Variants in TRMT9B observed in about 807,000 individuals in gnomAD.
The protein encoded by TRMT9B is probable tRNA methyltransferase 9B.
TRMT9B carries 16 observed loss-of-function variants against 11.5 expected under a neutral mutation model. That is an observed-to-expected ratio of 1.39 (90% confidence interval 0.94 to 2.11). The LOEUF (loss-of-function observed/expected upper bound fraction) is 2.11, where lower values mean the gene tolerates loss of function less well. Ranked by LOEUF, TRMT9B falls within the 30% of genes most tolerant of loss-of-function variation. The probability of loss-of-function intolerance (pLI) is 0.00; values close to 1 mark genes in which losing one functional copy is unlikely to be tolerated. For synonymous variants in TRMT9B, 274 were observed against 192.4 expected, an observed-to-expected ratio of 1.42 and a Z score of -3.51; for missense variants, 941 against 553.8, an observed-to-expected ratio of 1.70 and a Z score of -7.02.
At chr8:13,012,018 A>C (rs1475349999) in intron 3 of TRMT9B, 1 of 985,424 alleles carries the variant, frequency 1.0e-6, no homozygotes, top group Non-Finnish European at 1.2e-6. Flanking sequence ...ACAAAATGAA[A>C]TATGAATGTG....
chr8:12,987,607 A>T (rs796247205), intron 1 of TRMT9B, among the ~76,000 whole-genome samples: 1 of 151,978 alleles, frequency 6.6e-6, no homozygotes, highest in Admixed American at 6.6e-5. Context: ...CAGGAGGATC[A>T]TTTGCACCTG....
intron 1 of TRMT9B, chr8:12,958,310 C>T (rs1287603074): frequency 5.9e-5 from 9 of 152,284 alleles, no homozygotes; most frequent in African/African-American, 1.9e-4. Context: ...ACGGATATCT[C>T]TTAGAGTCCC....
At chr8:12,973,277 T>A (rs1323756321) in intron 1 of TRMT9B, among the ~76,000 whole-genome samples, 1 of 152,172 alleles carries the variant, frequency 6.6e-6, no homozygotes, top group Admixed American at 6.5e-5. Flanking sequence ...TTTGGCATGC[T>A]CTGGGTGCCC....
chr8:13,023,667 T>C lies in TRMT9B; in HGVS notation c.*1623T>C, dbSNP rs1292473090. 1 of 167,102 alleles carries C rather than the reference T, an allele frequency of 6.0e-6. No individual in the cohort carries two copies. The highest frequency in any genetic ancestry group is 1.5e-5 in the Non-Finnish European group (1 of 68,116). 10.4% of individuals were successfully genotyped at this position (167,102 alleles called of 1,614,324 possible). On this transcript the variant is annotated 3_prime_UTR_variant, in exon 5 of 5. Coordinates refer to ENST00000524591, the MANE Select transcript of TRMT9B (RefSeq NM_020844.3). ...AGAAAATTGACATCTGACAAGAGTC[T>C]TTTTACTTTATGCTGGATGAAAATC...
Position 12,964,262 on chromosome 8 carries a change from T to C in TRMT9B, c.-200+18296T>C, listed in dbSNP as rs143692634. On this transcript the variant is annotated intron_variant, in intron 1 of 4. Transcript: ENST00000524591. ...TTCAACATCATTGACATGGGGTACA[T>C]CCTACAGTTGATAACACATCCTCAT... Among the ~76,000 whole-genome samples the C allele has an allele frequency of 3.0e-4, 46 of 152,346 alleles. No homozygotes were observed. In the East Asian group the frequency reaches 7.1e-3, roughly 24 times the overall value.
intron 1 of TRMT9B, among the ~76,000 whole-genome samples, chr8:12,947,379 A>G (rs116115909): frequency 0.022 from 3,379 of 152,332 alleles, 121 homozygotes; most frequent in African/African-American, 0.075. Context: ...AACCACTAAA[A>G]AAATATGGGA....
At chr8:12,946,008 T>G (rs1335387482) in intron 1 of TRMT9B, 42 bp downstream of exon 1, 4 of 152,178 alleles carry the variant, frequency 2.6e-5, no homozygotes, top group Admixed American at 6.5e-5. Context: ...AGTTGTGATA[T>G]TTGTGATTAG....
intron 1 of TRMT9B, among the ~76,000 whole-genome samples, chr8:12,968,715 G>A (rs7826116): frequency 0.071 from 10,825 of 152,176 alleles, 533 homozygotes; most frequent in African/African-American, 0.14. Flanking sequence ...TCCCTGAGTC[G>A]CGAGAGTGCA....
rs946991824 is a variant in TRMT9B at position 13,026,910 on chromosome 8, A to G, written c.*4866A>G. 6.0e-6 allele frequency: 1 copy of G among 167,100 alleles called. No homozygotes were observed. The highest frequency in any genetic ancestry group is 1.5e-5 in the Non-Finnish European group (1 of 68,122). The allele number at this position is 167,100 out of a possible 1,614,324, so 10.4% of individuals were successfully genotyped here. On this transcript the variant is annotated 3_prime_UTR_variant, in exon 5 of 5. Coordinates refer to ENST00000524591, the MANE Select transcript of TRMT9B (RefSeq NM_020844.3). Reference sequence around the variant, plus strand: ...AAGTTTAAGCAAAGATTACACAGCTAGACAATAATTCAATAGTAGTCTCTT... The same window carrying G: ...AAGTTTAAGCAAAGATTACACAGCTGGACAATAATTCAATAGTAGTCTCTT...
At chr8:12,999,367 G>T (rs1023986459) in intron 2 of TRMT9B, among the ~76,000 whole-genome samples, 2 of 151,718 alleles carry the variant, frequency 1.3e-5, no homozygotes, top group East Asian at 1.9e-4. Context: ...GATGGGAGGG[G>T]TGATTTATTG....
intron 4 of TRMT9B, among the ~76,000 whole-genome samples, chr8:13,015,895 C>G (rs1812558335): frequency 6.6e-6 from 1 of 152,026 alleles, no homozygotes; most frequent in African/African-American, 2.4e-5. Context: ...TTTTTATGAT[C>G]TGTAACTACG....
intron 1 of TRMT9B, among the ~76,000 whole-genome samples, chr8:12,959,160 C>T (rs1157945395): frequency 6.6e-6 from 1 of 152,082 alleles, no homozygotes; most frequent in African/African-American, 2.4e-5. Flanking sequence ...CATGAACTTC[C>T]TGGGTGAAAG....
intron 1 of TRMT9B, among the ~76,000 whole-genome samples, chr8:12,969,548 T>C (rs1364128807): frequency 6.6e-6 from 1 of 152,246 alleles, no homozygotes; most frequent in African/African-American, 2.4e-5. Context: ...TCTAGATTAC[T>C]TGCAATAACC....
At chr8:12,989,184 A>G (rs1165099529) in intron 1 of TRMT9B, among the ~76,000 whole-genome samples, 2 of 152,188 alleles carry the variant, frequency 1.3e-5, no homozygotes, top group African/African-American at 2.4e-5. Context: ...GGTTTAAGGT[A>G]CAGACCTTGC....
At chr8:12,953,715 A>G (rs1800939781) in intron 1 of TRMT9B, among the ~76,000 whole-genome samples, 1 of 152,200 alleles carries the variant, frequency 6.6e-6, no homozygotes, top group Admixed American at 6.5e-5. Flanking sequence ...AGGGTAAAGA[A>G]CTGTCCAGTG....
intron 1 of TRMT9B, among the ~76,000 whole-genome samples, chr8:12,968,806 A>G (rs910349042): frequency 1.3e-5 from 2 of 152,084 alleles, no homozygotes; most frequent in African/African-American, 2.4e-5. Flanking sequence ...GTAGAGAGCC[A>G]TGCTGTTCAT....
At position 13,021,199 on chromosome 8, in the gene TRMT9B, C is replaced by T; in HGVS notation, c.520C>T (p.Gln174Ter). 6.2e-7 allele frequency: 1 copy of T among 1,613,742 alleles called. No homozygotes were observed. The change falls in exon 5 of 5, where the codon CAG becomes TAG. Residue 174 changes from glutamine (Q) to a stop codon, truncating the protein, a stop_gained. Coordinates refer to ENST00000524591, the MANE Select transcript of TRMT9B (RefSeq NM_020844.3). LOFTEE classifies it low-confidence loss of function (END_TRUNC). ...LCSQLFSESS[Q>*]SGRKRQCGYP... ...TTCCCAGCTCTTCTCAGAGTCCAGC[C>T]AGTCTGGGAGGAAGAGGCAGTGTGG...
intron 3 of TRMT9B, 56 bp downstream of exon 3, chr8:13,006,412 T>C (rs555636431): frequency 4.7e-6 from 7 of 1,497,732 alleles, no homozygotes; most frequent in Non-Finnish European, 6.2e-6. Flanking sequence ...ATCGCTGACA[T>C]AGGTAACCAG....
intron 2 of TRMT9B, among the ~76,000 whole-genome samples, chr8:12,995,756 A>G (rs969522889): frequency 2.0e-5 from 3 of 152,326 alleles, no homozygotes; most frequent in Middle Eastern, 3.4e-3. Context: ...CCAGATACCA[A>G]TTAGACCCAA....
Sources: allele counts gnomAD v4.1 joint callset (sites outside exome capture counted in the v4.1 genomes callset), GRCh38; gene constraint gnomAD v4.1.1; transcripts MANE v1.5; gene names NCBI Gene and HGNC (gene_info 2026-07-23, HGNC 2026-07-21).